The following BRCA1 variants were observed in gnomAD, a reference collection of about 807,000 sequenced individuals.
The protein encoded by BRCA1 is breast cancer type 1 susceptibility protein.
A neutral mutation model predicts 173.7 loss-of-function variants in BRCA1; 140 were observed. The ratio of observed to expected loss-of-function variants is 0.81; its 90% CI spans 0.70 to 0.93. The LOEUF (loss-of-function observed/expected upper bound fraction) is 0.93, where lower values mean the gene tolerates loss of function less well. Ranked by LOEUF, BRCA1 falls within the 40% of genes least tolerant of loss-of-function variation. BRCA1 has a pLI of 0.00. For missense variants in BRCA1, 1,983 were observed against 2,172.5 expected (o/e 0.91, Z 1.73); for synonymous variants, 662 against 756.0 (o/e 0.88, Z 2.04).
intron 8 of BRCA1, among the ~76,000 whole-genome samples, 199 bp from the exon 9 acceptor site, chr17:43,096,121 A>G (rs1436492794): frequency 6.6e-6 from 1 of 152,146 alleles, no homozygotes; most frequent in Non-Finnish European, 1.5e-5. Flanking sequence ...TCAAGCCTGT[A>G]ATTCCAGCAC....
intron 6 of BRCA1, among the ~76,000 whole-genome samples, chr17:43,100,657 C>T (rs1057417216): frequency 0.048 from 756 of 15,852 alleles, 30 homozygotes; most frequent in South Asian, 0.15. Flanking sequence ...ATATATATAA[C>T]ATATATATAT....
At chr17:43,114,251 TA>T (rs371658650) in intron 3 of BRCA1, among the ~76,000 whole-genome samples, 18 of 152,194 alleles carry the variant, frequency 1.2e-4, no homozygotes, top group African/African-American at 4.3e-4. Context: ...CCTGTAATAA[TA>T]GTATAGTATG....
At chr17:43,152,079 G>T (rs2056165439) in intron 1 of BRCA1, among the ~76,000 whole-genome samples, 2 of 152,290 alleles carry the variant, frequency 1.3e-5, no homozygotes, top group South Asian at 4.1e-4. Flanking sequence ...CTTTCCCAAG[G>T]CCACATAGTG....
intron 6 of BRCA1, among the ~76,000 whole-genome samples, chr17:43,102,823 A>T (rs570830035): frequency 5.3e-5 from 8 of 152,166 alleles, no homozygotes; most frequent in East Asian, 3.9e-4. Context: ...CAGATAATTT[A>T]AAAAAACTTT....
intron 15 of BRCA1, among the ~76,000 whole-genome samples, chr17:43,070,333 C>A (rs975300435): frequency 6.6e-6 from 1 of 151,968 alleles, no homozygotes; most frequent in Admixed American, 6.6e-5. Context: ...CAAGCAGAAA[C>A]GAGGTTTTAC....
At chr17:43,132,099 T>A (rs2055971810) in intron 1 of BRCA1, among the ~76,000 whole-genome samples, 1 of 152,174 alleles carries the variant, frequency 6.6e-6, no homozygotes, top group African/African-American at 2.4e-5. Context: ...ATCATCATAT[T>A]TAATCCTCAC....
At chr17:43,125,518 G>A (rs769734209), upstream of BRCA1, 2 of 327,950 alleles carry the variant, frequency 6.1e-6, no homozygotes, top group Non-Finnish European at 1.2e-5. Context: ...AGAGCCAAGC[G>A]TCTCTCGGGG....
chr17:43,126,750 G>A (rs2055887968), upstream of BRCA1, among the ~76,000 whole-genome samples: 1 of 150,476 alleles, frequency 6.6e-6, no homozygotes. Context: ...TGCTGGAGGA[G>A]CCCTTCAGCC....
intron 2 of BRCA1, among the ~76,000 whole-genome samples, chr17:43,121,436 G>A (rs1331960373): frequency 6.6e-6 from 1 of 151,944 alleles, no homozygotes; most frequent in Admixed American, 6.6e-5. Flanking sequence ...TGTAATCCCA[G>A]CACTTTCGGA....
rs71379207 is a variant in BRCA1, at chr17:43,067,380, G to A, written c.5074+228C>T. ...AGTGATTCTCCTGCCTCAGCCTCAC[G>A]AGTAGCTGGGACTACAGGCGCACGC... On this transcript the variant is annotated intron_variant, in intron 16 of 22. Transcript: ENST00000357654. 1,833 of 398,726 alleles carry A rather than the reference G, an allele frequency of 4.6e-3. 39 individuals are homozygous for A. The highest frequency in any genetic ancestry group is 0.035 in the African/African-American group (1,682 of 47,572). The allele number at this position is 398,726 out of a possible 1,614,324, so 24.7% of individuals were successfully genotyped here. A position where few individuals can be genotyped will look rare whatever the true frequency, so the allele number is the denominator to read the frequency against.
intron 3 of BRCA1, among the ~76,000 whole-genome samples, chr17:43,107,135 G>A (rs1225436958): frequency 2.0e-5 from 3 of 148,608 alleles, no homozygotes; most frequent in African/African-American, 7.5e-5. Context: ...CACGATCTCG[G>A]CTCACTGCAA....
At chr17:43,120,524 G>C (rs896389544) in intron 2 of BRCA1, among the ~76,000 whole-genome samples, 1 of 151,804 alleles carries the variant, frequency 6.6e-6, no homozygotes, top group African/African-American at 2.4e-5. Context: ...CCAGCACTTT[G>C]GGAGGCCGAG....
chr17:43,051,548 C>T (rs1463550539), intron 19 of BRCA1, among the ~76,000 whole-genome samples: 2 of 152,034 alleles, frequency 1.3e-5, no homozygotes, highest in Non-Finnish European at 2.9e-5. Flanking sequence ...TGATGTTTAT[C>T]CAGACTTGGT....
In BRCA1 at chr17:43,045,278, G is replaced by C. The variant is rs1444493484; in HGVS notation, c.*400C>G. The C allele has an allele frequency of 3.7e-6, 2 of 546,060 alleles. No individual in the cohort carries two copies. The highest frequency in any genetic ancestry group is 1.5e-5 in the South Asian group (1 of 65,198). The allele number at this position is 546,060 out of a possible 1,614,324, so 33.8% of individuals were successfully genotyped here. On this transcript the variant is annotated 3_prime_UTR_variant, in exon 23 of 23. Transcript: ENST00000357654. ...CTGCCTTTGTGAACACAGGGTTTTAGAGAAGTAAACTTAGGGAAACCAGCT... is the reference window on the plus strand; with the variant it reads ...CTGCCTTTGTGAACACAGGGTTTTACAGAAGTAAACTTAGGGAAACCAGCT...
intron 6 of BRCA1, among the ~76,000 whole-genome samples, chr17:43,100,903 T>C (rs35486643): frequency 8.7e-5 from 13 of 150,252 alleles, no homozygotes; most frequent in Non-Finnish European, 1.5e-4. Context: ...AGTTAATTTT[T>C]GTATTTTTAG....
intron 19 of BRCA1, among the ~76,000 whole-genome samples, chr17:43,053,475 A>T (rs1277324630): frequency 6.6e-6 from 1 of 151,752 alleles, no homozygotes; most frequent in Non-Finnish European, 1.5e-5. Context: ...ATCCCGTCTA[A>T]CACAGTGAAA....
chr17:43,143,739 G>T (rs1376074667), intron 1 of BRCA1, among the ~76,000 whole-genome samples: 1 of 152,096 alleles, frequency 6.6e-6, no homozygotes, highest in East Asian at 1.9e-4. Context: ...TGCATCAGCG[G>T]GGGATGGGGA....
intron 6 of BRCA1, among the ~76,000 whole-genome samples, chr17:43,102,093 CAG>C (rs1192821886): frequency 6.6e-6 from 1 of 151,390 alleles, no homozygotes; most frequent in Non-Finnish European, 1.5e-5. Context: ...TTTTTTGAGA[CAG>C]AGTCTCACTC....
chr17:43,114,096 C>T (rs2154563726), intron 3 of BRCA1, among the ~76,000 whole-genome samples: 1 of 151,678 alleles, frequency 6.6e-6, no homozygotes, highest in East Asian at 1.9e-4. Flanking sequence ...AAGACAGGGT[C>T]TCACTCTGTC....
Sources: allele counts gnomAD v4.1 joint callset (sites outside exome capture counted in the v4.1 genomes callset), GRCh38; gene constraint gnomAD v4.1.1; transcripts MANE v1.5; gene names NCBI Gene and HGNC (gene_info 2026-07-23, HGNC 2026-07-21).